Variants in TRPM8 observed in about 807,000 individuals in gnomAD.
TRPM8 encodes the protein transient receptor potential cation channel subfamily M member 8, also known as TRPM8 cationic channel.
Under a neutral mutation model 133.7 loss-of-function variants are expected in TRPM8, and 110 were observed. That is an observed-to-expected ratio of 0.82 (90% confidence interval 0.70 to 0.96). TRPM8 has a LOEUF of 0.96. Ranked by LOEUF, TRPM8 falls within the 40% of genes least tolerant of loss-of-function variation. The pLI is 0.00. For missense variants in TRPM8, 1,291 were observed against 1,379.5 expected (o/e 0.94, Z 1.02); for synonymous variants, 535 against 532.3 (o/e 1.01, Z -0.07).
At chr2:233,990,314 A>C (rs554700137) in intron 21 of TRPM8, among the ~76,000 whole-genome samples, 1 of 152,342 alleles carries the variant, frequency 6.6e-6, no homozygotes, top group African/African-American at 2.4e-5. Flanking sequence ...GTCAAAAGCA[A>C]AAGCAAGCAA....
intron 3 of TRPM8, among the ~76,000 whole-genome samples, chr2:233,936,252 C>A: frequency 6.6e-6 from 1 of 152,202 alleles, no homozygotes; most frequent in East Asian, 1.9e-4. Context: ...CTGTGAAGCT[C>A]AGCCCAGGGC....
intron 3 of TRPM8, among the ~76,000 whole-genome samples, chr2:233,931,776 G>A (rs1373364275): frequency 1.3e-5 from 2 of 152,160 alleles, no homozygotes. Context: ...AAAAACATAC[G>A]CATCATGAGT....
chr2:233,941,909 G>A (rs1490878458), intron 5 of TRPM8, among the ~76,000 whole-genome samples: 1 of 151,924 alleles, frequency 6.6e-6, no homozygotes, highest in Non-Finnish European at 1.5e-5. Flanking sequence ...GGAGCAGAGT[G>A]CCCGACTTAC....
At chr2:233,920,248 G>GA (rs1292438840) in intron 1 of TRPM8, among the ~76,000 whole-genome samples, 5 of 151,968 alleles carry the variant, frequency 3.3e-5, no homozygotes, top group African/African-American at 1.2e-4. Flanking sequence ...GTGAAGTTTT[G>GA]AAAAAAATGT....
At position 233,937,213 on chromosome 2, in the gene TRPM8, A is replaced by C. The variant is rs1234153154; in HGVS notation, c.192-140A>C. 26 of 1,112,258 alleles carry C rather than the reference A, an allele frequency of 2.3e-5. No homozygotes were observed. The African/African-American group carries it at 2.7e-4, about 11-fold the overall frequency. The allele number at this position is 1,112,258 out of a possible 1,614,324, so 68.9% of individuals were successfully genotyped here. ...ACCCGTCCACATCAAACTAGTTTCT[A>C]CACAACCAAGATGATGAAAACAGTC... On this transcript the variant is annotated intron_variant, in intron 3 of 25. Transcript: ENST00000324695.
At chr2:233,967,719 C>T (rs1469074813) in intron 15 of TRPM8, among the ~76,000 whole-genome samples, 1 of 152,178 alleles carries the variant, frequency 6.6e-6, no homozygotes. Flanking sequence ...AAGGAGCATG[C>T]GGAGAGCGTC....
rs1353549464 is a variant in TRPM8, at chr2:233,926,641, C to A, written c.104C>A (p.Ser35Tyr). The A allele has an allele frequency of 6.2e-7, 1 of 1,613,744 alleles. No individual in the cohort carries two copies. Among genetic ancestry groups the A allele is most frequent in the Non-Finnish European group, 8.5e-7 (1 of 1,179,624 alleles). ...AGCGCGTCTCGGAGCACAGACTTGT[C>A]TTACAGTGAAAGCGTAAGTCATGCG... ...YSSASRSTDL[S>Y]YSESDLVNFI... Residue 35 changes from serine to tyrosine, a missense_variant, in exon 2 of 26, where the codon TCT (serine) becomes TAT (tyrosine). Ser to Tyr is a moderately radical substitution (Grantham distance 144). Transcript: ENST00000324695.
Position 233,971,234 on chromosome 2 carries a change from T to G in TRPM8, c.2355+808T>G, listed in dbSNP as rs74871370. Among the ~76,000 whole-genome samples, 935 of 152,322 alleles carry G rather than the reference T, an allele frequency of 6.1e-3. 29 individuals carry two copies. The East Asian group carries it at 0.071, about 12-fold the overall frequency. ...CGAGGTACAATGCCGTGTGCTATGATAGATCTGGAGGGGGCAAAGAGTGCT... is the reference window on the plus strand; with the variant it reads ...CGAGGTACAATGCCGTGTGCTATGAGAGATCTGGAGGGGGCAAAGAGTGCT... On this transcript the variant is annotated intron_variant, in intron 17 of 25. Coordinates refer to ENST00000324695, the MANE Select transcript of TRPM8 (RefSeq NM_024080.5).
At chr2:233,943,101 T>C (rs1246803276) in intron 6 of TRPM8, 1 of 357,904 alleles carries the variant, frequency 2.8e-6, no homozygotes, top group Middle Eastern at 7.6e-4. Context: ...CCCACTAGGA[T>C]GGCTATGTTT....
At chr2:233,923,704 T>A (rs1691455569) in intron 1 of TRPM8, among the ~76,000 whole-genome samples, 1 of 152,192 alleles carries the variant, frequency 6.6e-6, no homozygotes, top group African/African-American at 2.4e-5. Flanking sequence ...CACTCATGGG[T>A]CTTGAGACTT....
intron 21 of TRPM8, among the ~76,000 whole-genome samples, chr2:233,991,763 C>T (rs773608945): frequency 2.0e-5 from 3 of 152,040 alleles, no homozygotes; most frequent in South Asian, 4.1e-4. Context: ...TTCTTTTAGG[C>T]GTTCTAACAT....
At chr2:233,996,080 AT>A (rs1002633655) in intron 21 of TRPM8, among the ~76,000 whole-genome samples, 2 of 149,130 alleles carry the variant, frequency 1.3e-5, no homozygotes, top group African/African-American at 2.5e-5. Flanking sequence ...TTTGTTGAGC[AT>A]TTTTTTGTGA....
At chr2:233,982,443 C>G (rs1287019244) in intron 19 of TRPM8, among the ~76,000 whole-genome samples, 1 of 152,136 alleles carries the variant, frequency 6.6e-6, no homozygotes, top group African/African-American at 2.4e-5. Context: ...CCAGATGACC[C>G]AAACCTCCCC....
chr2:233,983,272 C>A, intron 20 of TRPM8, 48 bp downstream of exon 20: 1 of 1,610,792 alleles, frequency 6.2e-7, no homozygotes, highest in Non-Finnish European at 8.5e-7. Flanking sequence ...GAGGCATTTG[C>A]TCCCTGAACC....
intron 24 of TRPM8, 85 bp from the exon 25 acceptor site, chr2:234,014,473 GTTTC>G (rs1692911237): frequency 1.4e-6 from 1 of 729,692 alleles, no homozygotes; most frequent in African/African-American, 1.9e-5. Context: ...AGACATGTCT[GTTTC>G]TTAGAAAAGG....
At chr2:233,992,665 C>A (rs984402763) in intron 21 of TRPM8, among the ~76,000 whole-genome samples, 3 of 152,158 alleles carry the variant, frequency 2.0e-5, no homozygotes, top group African/African-American at 7.2e-5. Context: ...TTGCCAGGGA[C>A]AGGACGCCAA....
intron 14 of TRPM8, among the ~76,000 whole-genome samples, chr2:233,965,258 C>T (rs1202153307): frequency 1.3e-5 from 2 of 152,194 alleles, no homozygotes; most frequent in Non-Finnish European, 2.9e-5. Flanking sequence ...CCCCTTGCCT[C>T]GGTTCCCAAG....
At chr2:233,993,123 T>C (rs765055017) in intron 21 of TRPM8, among the ~76,000 whole-genome samples, 1 of 152,204 alleles carries the variant, frequency 6.6e-6, no homozygotes, top group Admixed American at 6.5e-5. Flanking sequence ...CAATCCTGAA[T>C]ATGCATTATT....
intron 9 of TRPM8, chr2:233,953,686 T>G (rs1452777322): frequency 2.0e-5 from 8 of 397,112 alleles, no homozygotes; most frequent in Admixed American, 4.0e-5. Flanking sequence ...GATGCACACA[T>G]CTCTAGTCAA....
Sources: gnomAD v4.1 joint callset for allele counts (sites outside exome capture counted in the v4.1 genomes callset) on GRCh38, gnomAD v4.1.1 for gene constraint, MANE v1.5 for transcripts, NCBI Gene and HGNC (gene_info 2026-07-23, HGNC 2026-07-21) for gene names.